Variants in SRGAP2C observed in about 807,000 individuals in gnomAD.
SRGAP2C encodes the protein SLIT-ROBO Rho GTPase-activating protein 2C.
SRGAP2C carries 15 observed loss-of-function variants against 25.1 expected under a neutral mutation model. That is an observed-to-expected ratio of 0.60 (90% confidence interval 0.40 to 0.92). SRGAP2C has a LOEUF of 0.92. Ranked by LOEUF, SRGAP2C falls within the 40% of genes least tolerant of loss-of-function variation. The pLI, the probability that SRGAP2C is intolerant of heterozygous loss-of-function variation, is 0.00. For synonymous variants in SRGAP2C, 44 were observed against 96.6 expected (o/e 0.46, Z 3.19); for missense variants, 144 against 264.4 (o/e 0.54, Z 3.16).
chr1:121,349,206 G>C (rs1553344992), intron 4 of SRGAP2C, among the ~76,000 whole-genome samples: 1 of 151,976 alleles, frequency 6.6e-6, no homozygotes, highest in African/African-American at 2.4e-5. Flanking sequence ...AAAAGACTGG[G>C]CCTCTAATTC....
At chr1:121,232,720 G>A (rs1655850099) in intron 2 of SRGAP2C, among the ~76,000 whole-genome samples, 1 of 152,164 alleles carries the variant, frequency 6.6e-6, no homozygotes, top group Non-Finnish European at 1.5e-5. Context: ...CTTCCAGATA[G>A]CCATTTTTGG....
chr1:121,249,546 CTA>C (rs1181025618), intron 2 of SRGAP2C, among the ~76,000 whole-genome samples: 738 of 40,004 alleles, frequency 0.018, 7 homozygotes, highest in African/African-American at 0.063. Flanking sequence ...TGAACATGGA[CTA>C]TATATATATA....
intron 2 of SRGAP2C, among the ~76,000 whole-genome samples, chr1:121,223,351 T>TTGTGTGTGTGTGTG (rs56123915): frequency 7.7e-5 from 5 of 64,828 alleles, no homozygotes; most frequent in South Asian, 5.0e-4. Flanking sequence ...TGGGAGGAGT[T>TTGTGTGTGTGTGTG]TGTGTGTGTG....
At chr1:121,368,540 T>G (rs1659404557) in intron 5 of SRGAP2C, among the ~76,000 whole-genome samples, 1 of 151,068 alleles carries the variant, frequency 6.6e-6, no homozygotes, top group African/African-American at 2.4e-5. Flanking sequence ...TACTGAAGAG[T>G]TTCCTGGGAC....
intron 2 of SRGAP2C, among the ~76,000 whole-genome samples, chr1:121,219,127 A>G (rs1196508930): frequency 7.9e-5 from 12 of 151,236 alleles, no homozygotes; most frequent in African/African-American, 3.0e-4. Context: ...AGAATTTAAT[A>G]TGTAATTAAA....
At chr1:121,196,966 C>T (rs868926505) in intron 2 of SRGAP2C, among the ~76,000 whole-genome samples, 25 of 151,620 alleles carry the variant, frequency 1.6e-4, no homozygotes, top group Middle Eastern at 6.8e-3. Context: ...TTGCTAACAT[C>T]GTAGCATAAA....
chr1:121,289,374 C>T (rs1657445909), intron 3 of SRGAP2C, among the ~76,000 whole-genome samples: 1 of 151,792 alleles, frequency 6.6e-6, no homozygotes, highest in Non-Finnish European at 1.5e-5. Flanking sequence ...TGCCCGGGGC[C>T]AGCAGGGCTG....
At chr1:121,270,911 G>T (rs1425367309) in intron 2 of SRGAP2C, among the ~76,000 whole-genome samples, 3 of 150,564 alleles carry the variant, frequency 2.0e-5, no homozygotes, top group African/African-American at 7.3e-5. Flanking sequence ...TCCTGCCTCA[G>T]CCTCCTGAGT....
intron 2 of SRGAP2C, among the ~76,000 whole-genome samples, chr1:121,191,206 C>A (rs587737897): frequency 1.3e-5 from 2 of 151,930 alleles, no homozygotes; most frequent in Non-Finnish European, 2.9e-5. Flanking sequence ...TCAAGGACTA[C>A]CCCCACTTCC....
chr1:121,258,640 A>G (rs1656539441), intron 2 of SRGAP2C, among the ~76,000 whole-genome samples: 1 of 146,332 alleles, frequency 6.8e-6, no homozygotes, highest in Admixed American at 6.9e-5. Context: ...TAATTTTTGT[A>G]TTTTTAGTAG....
At chr1:121,332,504 T>G (rs1658453556) in intron 4 of SRGAP2C, among the ~76,000 whole-genome samples, 1 of 151,494 alleles carries the variant, frequency 6.6e-6, no homozygotes, top group Non-Finnish European at 1.5e-5. Flanking sequence ...GCAAGAAGAG[T>G]GCTGAGGAAG....
chr1:121,362,711 T>C (rs1659227217), intron 4 of SRGAP2C: 2 of 151,330 alleles, frequency 1.3e-5, no homozygotes, highest in Admixed American at 1.3e-4. Context: ...ACCCTGTTGC[T>C]GACTCTGGGG....
At chr1:121,375,934 G>A (rs1393554061) in intron 7 of SRGAP2C, among the ~76,000 whole-genome samples, 3 of 151,524 alleles carry the variant, frequency 2.0e-5, no homozygotes, top group African/African-American at 7.3e-5. Flanking sequence ...TTAAAAATAT[G>A]TGATGCAAAG....
At chr1:121,227,436 T>A (rs1420358676) in intron 2 of SRGAP2C, among the ~76,000 whole-genome samples, 1 of 152,140 alleles carries the variant, frequency 6.6e-6, no homozygotes, top group Non-Finnish European at 1.5e-5. Flanking sequence ...ATAGGCTCCT[T>A]GCATTCTTAA....
At position 121,208,681 on chromosome 1, in the gene SRGAP2C, G is replaced by A. The variant is rs1486805898; in HGVS notation, c.67+21168G>A. 1.1e-4 allele frequency among the ~76,000 whole-genome samples: 17 copies of A among 151,360 alleles called. No homozygotes were observed. The East Asian group carries it at 3.1e-3, about 28-fold the overall frequency. On this transcript the variant is annotated intron_variant, in intron 2 of 9. Coordinates refer to ENST00000367123, the MANE Select transcript of SRGAP2C (RefSeq NM_001329984.2). ...TGTTTACACATCTCTTGTCTGCTAA[G>A]CTATGAGCTCTTTGAGAGCAGGGAC... is the stretch of plus-strand genomic sequence containing the variant.
intron 4 of SRGAP2C, among the ~76,000 whole-genome samples, chr1:121,332,246 T>A (rs1393055116): frequency 4.3e-5 from 4 of 92,520 alleles, no homozygotes. Context: ...TGCACTGTTT[T>A]CCATCTTGGG....
chr1:121,334,710 A>G (rs1658474481), intron 4 of SRGAP2C, among the ~76,000 whole-genome samples: 1 of 151,576 alleles, frequency 6.6e-6, no homozygotes, highest in Non-Finnish European at 1.5e-5. Flanking sequence ...GAGTGTAAGC[A>G]TGGTTTTCAT....
At chr1:121,315,604 T>G (rs1221866039) in intron 3 of SRGAP2C, among the ~76,000 whole-genome samples, 1 of 150,962 alleles carries the variant, frequency 6.6e-6, no homozygotes, top group Non-Finnish European at 1.5e-5. Context: ...AATAATATGC[T>G]GTAATTTAGA....
intron 4 of SRGAP2C, among the ~76,000 whole-genome samples, chr1:121,353,190 T>C (rs1158593687): frequency 1.4e-5 from 2 of 139,164 alleles, no homozygotes; most frequent in African/African-American, 5.4e-5. Context: ...TTTAGATGTG[T>C]GGGTGGGAGG....
Sources: allele counts gnomAD v4.1 joint callset (sites outside exome capture counted in the v4.1 genomes callset), GRCh38; gene constraint gnomAD v4.1.1; transcripts MANE v1.5; gene names NCBI Gene and HGNC (gene_info 2026-07-23, HGNC 2026-07-21).